ATF3: variants seen among roughly 807,000 people sequenced by gnomAD.
ATF3 encodes cyclic AMP-dependent transcription factor ATF-3.
Under a neutral mutation model 18.4 loss-of-function variants are expected in ATF3, and 10 were observed. The observed-to-expected ratio is 0.54, with a 90% CI of 0.34 to 0.92. The LOEUF (loss-of-function observed/expected upper bound fraction) is 0.92. ATF3 is among the 40% of genes least tolerant of loss of function. ATF3 has a pLI of 0.02. For missense variants in ATF3, 183 were observed against 222.3 expected, an observed-to-expected ratio of 0.82 and a Z score of 1.12; for synonymous variants, 78 against 87.9, an observed-to-expected ratio of 0.89 and a Z score of 0.63.
In ATF3 at chr1:212,619,076, T is replaced by A. The variant is rs762846559; in HGVS notation, c.349-282T>A. ...AAGGCCCTTTTGGGTCCAGAAGACC[T>A]GCATATGGGCTGTTGACTCATGCAA... On this transcript the variant is annotated intron_variant, in intron 3 of 3. Transcript: ENST00000341491. This position sits in a 1 kb window ranked among gnomAD's most constrained non-coding sequence, Gnocchi z 4.4. 2.5e-6 allele frequency: 4 copies of A among 1,614,076 alleles called. No homozygotes were observed. The Admixed American group carries it at 6.7e-5, about 27-fold the overall frequency.
intron 1 of ATF3, among the ~76,000 whole-genome samples, chr1:212,573,457 C>T (rs72756334): frequency 0.046 from 6,986 of 151,880 alleles, 271 homozygotes; most frequent in African/African-American, 0.1. Context: ...AGATTAAACC[C>T]TCCTTGGGTT....
chr1:212,575,492 C>G, intron 1 of ATF3, among the ~76,000 whole-genome samples: 1 of 152,086 alleles, frequency 6.6e-6, no homozygotes, highest in East Asian at 1.9e-4. Flanking sequence ...AAAACAGCCT[C>G]TAATCTTTCT....
Position 212,590,799 on chromosome 1 carries a change from C to T in ATF3, c.-4-24219C>T, listed in dbSNP as rs73075901. Among the ~76,000 whole-genome samples the T allele has an allele frequency of 8.6e-3, 1,302 of 152,224 alleles. 15 individuals are homozygous for T. Among genetic ancestry groups the T allele is most frequent in the African/African-American group, 0.03 (1,237 of 41,516 alleles). ...ATGGGTCTCCTGTTGAAAGACTTAC[C>T]GAGTTAGCGTTGGATATGGGCAGCA... On this transcript the variant is annotated intron_variant, in intron 1 of 3. Transcript: ENST00000366981.
intron 1 of ATF3, among the ~76,000 whole-genome samples, chr1:212,612,277 C>T (rs1654928844): frequency 6.6e-6 from 1 of 152,202 alleles, no homozygotes; most frequent in Non-Finnish European, 1.5e-5. Context: ...GGACTGCTGA[C>T]TTTACATAAG....
At chr1:212,579,342 T>A (rs942634220) in intron 1 of ATF3, among the ~76,000 whole-genome samples, 1 of 152,152 alleles carries the variant, frequency 6.6e-6, no homozygotes, top group Non-Finnish European at 1.5e-5. Flanking sequence ...TTTCCAAGCT[T>A]GGGAAACTCA....
chr1:212,596,070 T>G (rs1664986458), intron 1 of ATF3, among the ~76,000 whole-genome samples: 1 of 152,340 alleles, frequency 6.6e-6, no homozygotes, highest in South Asian at 2.1e-4. Flanking sequence ...GTGGCCCCAG[T>G]GGAGTGGGAA....
chr1:212,605,173 G>A (rs1654585302), upstream of ATF3, among the ~76,000 whole-genome samples: 1 of 152,134 alleles, frequency 6.6e-6, no homozygotes, highest in Admixed American at 6.5e-5. Context: ...TATGCATTAG[G>A]TGCTATTGTT....
At chr1:212,617,247 C>T (rs1204113601) in intron 2 of ATF3, among the ~76,000 whole-genome samples, 1 of 152,296 alleles carries the variant, frequency 6.6e-6, no homozygotes, top group East Asian at 1.9e-4. Flanking sequence ...AGGTGTTGCT[C>T]CAGGTTCACT....
rs917959914 is a variant in ATF3, at chr1:212,608,817, A to G, written c.-118A>G. 2.6e-4 allele frequency: 39 copies of G among 152,486 alleles called. No homozygotes were observed. The highest frequency in any genetic ancestry group is 8.7e-4 in the African/African-American group (36 of 41,460). 9.4% of individuals were successfully genotyped at this position (152,486 alleles called of 1,614,324 possible). ...AGCTCTCTTCTCTCGCCGCCGCCCG[A>G]GCGCACCCTTCAGCCCGCGCGCCGG... On this transcript the variant is annotated 5_prime_UTR_variant, in exon 1 of 4. Coordinates refer to ENST00000341491, the MANE Select transcript of ATF3 (RefSeq NM_001674.4).
At chr1:212,596,946 T>G (rs1353422781) in intron 1 of ATF3, among the ~76,000 whole-genome samples, 2 of 152,244 alleles carry the variant, frequency 1.3e-5, no homozygotes, top group Non-Finnish European at 2.9e-5. Flanking sequence ...TGTTCATTCT[T>G]GGATGTCCAG....
chr1:212,597,435 C>A (rs1654320247), intron 1 of ATF3, among the ~76,000 whole-genome samples: 1 of 152,020 alleles, frequency 6.6e-6, no homozygotes, highest in Non-Finnish European at 1.5e-5. Flanking sequence ...ATCTATCTAT[C>A]TATCTATCTA....
chr1:212,605,449 G>A (rs1389093755), upstream of ATF3, among the ~76,000 whole-genome samples: 2 of 152,238 alleles, frequency 1.3e-5, no homozygotes, highest in Non-Finnish European at 1.5e-5. Flanking sequence ...GGTTGAGCCA[G>A]GCAGACAGAG....
chr1:212,604,388 C>T (rs1654566171), upstream of ATF3, among the ~76,000 whole-genome samples: 1 of 152,070 alleles, frequency 6.6e-6, no homozygotes, highest in Non-Finnish European at 1.5e-5. Flanking sequence ...CCCTGTAGAC[C>T]AAGGTAGATG....
chr1:212,617,096 G>A lies in ATF3; in HGVS notation c.241-1031G>A, dbSNP rs142012903. On this transcript the variant is annotated intron_variant, in intron 2 of 3. Transcript: ENST00000341491. ...ATGAGTCAGGATGAGGCCACCTTCT[G>A]TGTCCAGTTGTTCTGAAGAAGCTTG... Among the ~76,000 whole-genome samples the A allele has an allele frequency of 2.0e-5, 3 of 152,306 alleles. No homozygotes were observed. The East Asian group carries it at 5.8e-4, about 29-fold the overall frequency.
Position 212,598,086 on chromosome 1 carries a change from T to C in ATF3, c.-4-16932T>C, listed in dbSNP as rs373624636. ...TAGTTTTTGCCTTCATGAAAGTTTA[T>C]ACTTTCATCTTTTAAGAATTAACAC... On this transcript the variant is annotated intron_variant, in intron 1 of 3. Coordinates refer to the ATF3 transcript ENST00000366981. Among the ~76,000 whole-genome samples the C allele has an allele frequency of 6.2e-4, 94 of 152,346 alleles. 2 individuals are homozygous for C. The South Asian group carries it at 0.019, about 31-fold the overall frequency.
At chr1:212,587,220 C>G (rs773901325) in intron 1 of ATF3, among the ~76,000 whole-genome samples, 1 of 152,084 alleles carries the variant, frequency 6.6e-6, no homozygotes, top group Non-Finnish European at 1.5e-5. Context: ...ATAATAATAC[C>G]GTGCTTAAAT....
intron 1 of ATF3, among the ~76,000 whole-genome samples, chr1:212,600,571 C>T (rs1654453685): frequency 1.3e-5 from 2 of 152,218 alleles, no homozygotes; most frequent in African/African-American, 4.8e-5. Context: ...CTCACAGCCT[C>T]TTCATATGAC....
intron 1 of ATF3, among the ~76,000 whole-genome samples, chr1:212,582,028 T>G (rs1421885487): frequency 6.6e-6 from 1 of 152,220 alleles, no homozygotes; most frequent in Non-Finnish European, 1.5e-5. Context: ...AACAATGTTT[T>G]GTAAGCCAGT....
rs1261427963 is a variant in ATF3 at position 212,591,816 on chromosome 1, A to T, written c.-4-23202A>T. On this transcript the variant is annotated intron_variant, in intron 1 of 3. Transcript: ENST00000366981. Reference sequence around the variant, plus strand: ...TGGTAGGGTAGGATGGGCATTTTTTAAATTTTTATTTATTTATTTATTTTT... The same window carrying T: ...TGGTAGGGTAGGATGGGCATTTTTTTAATTTTTATTTATTTATTTATTTTT... Among the ~76,000 whole-genome samples, 6 of 152,078 alleles carry T rather than the reference A, an allele frequency of 3.9e-5. No individual in the cohort carries two copies. In the East Asian group the frequency reaches 5.8e-4, roughly 15 times the overall value.
Sources: allele counts gnomAD v4.1 joint callset (sites outside exome capture counted in the v4.1 genomes callset), GRCh38; gene constraint gnomAD v4.1.1; non-coding constraint Gnocchi (gnomAD v3.1); transcripts MANE v1.5; gene names NCBI Gene and HGNC (gene_info 2026-07-23, HGNC 2026-07-21).